The following RC3H1 variants were observed in gnomAD, a reference collection of about 807,000 sequenced individuals.
RC3H1 encodes the protein roquin-1.
RC3H1 carries 50 observed loss-of-function variants against 138.2 expected under a neutral mutation model. That is an observed-to-expected ratio of 0.36 (90% CI 0.29 to 0.46). RC3H1 has a LOEUF of 0.46. RC3H1 is among the 20% of genes least tolerant of loss of function. The probability of loss-of-function intolerance (pLI) is 1.00; values close to 1 mark genes in which losing one functional copy is unlikely to be tolerated. For synonymous variants in RC3H1, 462 were observed against 489.1 expected (o/e 0.94, Z 0.73); for missense variants, 1,031 against 1,388.1 (o/e 0.74, Z 4.09).
rs562053245 is a variant in RC3H1, at chr1:173,982,260, T to G, written c.768+467A>C. 4.6e-4 allele frequency among the ~76,000 whole-genome samples: 70 copies of G among 152,026 alleles called. No homozygotes were observed. In the South Asian group the frequency reaches 0.014, roughly 31 times the overall value. The stretch of plus-strand genomic sequence containing the variant: ...CCAGGTGCAGTGGCCCTGCCTATAA[T>G]CCCAGCTACTCGGGAGGCTGAGACA... On this transcript the variant is annotated intron_variant, in intron 5 of 19. Coordinates refer to ENST00000367696, the MANE Select transcript of RC3H1 (RefSeq NM_172071.4).
chr1:173,945,959 G>A (rs921450083), intron 17 of RC3H1, among the ~76,000 whole-genome samples: 1 of 151,740 alleles, frequency 6.6e-6, no homozygotes, highest in African/African-American at 2.4e-5. Context: ...CACTTGCCTC[G>A]GCCTCCCAAA....
chr1:173,954,730 TG>T (rs1659560808), intron 13 of RC3H1, among the ~76,000 whole-genome samples: 3 of 152,220 alleles, frequency 2.0e-5, no homozygotes, highest in Non-Finnish European at 4.4e-5. Context: ...CGGGGCATGG[TG>T]GGTGGATTGC....
At chr1:173,984,323 T>C (rs1443529725) in intron 3 of RC3H1, among the ~76,000 whole-genome samples, 176 bp downstream of exon 3, 1 of 152,226 alleles carries the variant, frequency 6.6e-6, no homozygotes, top group East Asian at 1.9e-4. Context: ...GCTTAATAGC[T>C]CACAATTTTT....
At chr1:173,973,303 C>T (rs1423091666) in intron 7 of RC3H1, among the ~76,000 whole-genome samples, 1 of 152,008 alleles carries the variant, frequency 6.6e-6, no homozygotes, top group Non-Finnish European at 1.5e-5. Context: ...TTTCGCAGGC[C>T]GAGGTGGGCA....
intron 1 of RC3H1, among the ~76,000 whole-genome samples, chr1:174,011,873 T>A (rs1661775465): frequency 6.6e-6 from 1 of 152,146 alleles, no homozygotes; most frequent in African/African-American, 2.4e-5. Context: ...ATATTCACCT[T>A]TAACAACCAA....
intron 9 of RC3H1, 42 bp from the exon 10 acceptor site, chr1:173,965,162 A>G (rs1283459900): frequency 6.6e-7 from 1 of 1,525,482 alleles, no homozygotes; most frequent in Non-Finnish European, 8.9e-7. Context: ...GCAAATATAA[A>G]AGCAAAACCA....
At chr1:174,006,193 C>T (rs1243587788) in intron 1 of RC3H1, among the ~76,000 whole-genome samples, 2 of 151,970 alleles carry the variant, frequency 1.3e-5, no homozygotes, top group Non-Finnish European at 2.9e-5. Flanking sequence ...GGAACAAGAG[C>T]GAAACTCCAT....
At chr1:173,992,311 A>AT (rs1223647897) in intron 2 of RC3H1, among the ~76,000 whole-genome samples, 2 of 151,684 alleles carry the variant, frequency 1.3e-5, no homozygotes, top group Non-Finnish European at 1.5e-5. Context: ...CACCCAGCTC[A>AT]TTTTTTTGTA....
chr1:173,942,241 C>CA (rs538784048), intron 18 of RC3H1, among the ~76,000 whole-genome samples: 1,869 of 122,356 alleles, frequency 0.015, 45 homozygotes, highest in African/African-American at 0.05. Context: ...GACTCCGCCT[C>CA]AAAAAAAAAA....
In RC3H1 at chr1:173,943,541, T is replaced by C; in HGVS notation, c.3036A>G (p.Pro1012=). Reference sequence around the variant, plus strand: ...AGATCATCCCAGGCCATTTTGGAGGTGGCGGTGGTGGGGGCTGTGACTGGC... The same window carrying C: ...AGATCATCCCAGGCCATTTTGGAGGCGGCGGTGGTGGGGGCTGTGACTGGC... ...LAGQSQPPPP[P]PPKWPGMISS... is the part of the protein sequence containing the mutation. Residue 1012 remains proline, a synonymous_variant, in exon 18 of 20, where the codon CCA becomes CCG. Transcript: ENST00000367696. 6.2e-7 allele frequency: 1 copy of C among 1,614,086 alleles called. No homozygotes were observed. Among genetic ancestry groups the C allele is most frequent in the Non-Finnish European group, 8.5e-7 (1 of 1,180,000 alleles).
chr1:173,956,937 C>T (rs984803568), intron 13 of RC3H1, among the ~76,000 whole-genome samples: 1 of 151,698 alleles, frequency 6.6e-6, no homozygotes, highest in East Asian at 1.9e-4. Flanking sequence ...TTGTTGAGAA[C>T]GAGTCTTGTT....
chr1:173,980,138 A>C (rs1406518159), intron 6 of RC3H1, among the ~76,000 whole-genome samples: 1 of 151,108 alleles, frequency 6.6e-6, no homozygotes, highest in Non-Finnish European at 1.5e-5. Context: ...TTGGCCTCTC[A>C]AAGTGCTGAG....
At chr1:173,971,861 T>TA (rs1394118974) in intron 8 of RC3H1, among the ~76,000 whole-genome samples, 1 of 152,160 alleles carries the variant, frequency 6.6e-6, no homozygotes, top group Non-Finnish European at 1.5e-5. Context: ...CCAGGTAAAT[T>TA]AAGAGTTTTA....
intron 6 of RC3H1, among the ~76,000 whole-genome samples, chr1:173,979,177 T>TCTATAAA: frequency 6.6e-6 from 1 of 152,282 alleles, no homozygotes. Flanking sequence ...CAGAAAGTTC[T>TCTATAAA]ATTGCTCTAT....
Position 173,946,785 on chromosome 1 carries a change from G to A in RC3H1, c.2789C>T (p.Pro930Leu). The change falls in exon 16 of 20, where the codon CCT becomes CTT. Residue 930 changes from proline (P) to leucine (L), a missense_variant. Coordinates refer to ENST00000367696, the MANE Select transcript of RC3H1 (RefSeq NM_172071.4). ...HGGWGASPYS[P>L]HQNIPSQGHF... Reference sequence around the variant, plus strand: ...TCCCTGAGAAGGTATGTTTTGATGAGGTGAATATGGAGAAGCTCCCCAGCC... The same window carrying A: ...TCCCTGAGAAGGTATGTTTTGATGAAGTGAATATGGAGAAGCTCCCCAGCC... The A allele has an allele frequency of 6.2e-7, 1 of 1,613,808 alleles. No homozygotes were observed. The highest frequency in any genetic ancestry group is 1.1e-5 in the South Asian group (1 of 91,076).
chr1:173,998,084 T>C (rs1324760609), intron 1 of RC3H1, among the ~76,000 whole-genome samples: 3 of 152,132 alleles, frequency 2.0e-5, no homozygotes, highest in African/African-American at 7.2e-5. Context: ...AAATTATTAA[T>C]ATACCAACAT....
chr1:173,974,276 T>TC (rs1660483058), intron 7 of RC3H1, among the ~76,000 whole-genome samples: 1 of 30,812 alleles, frequency 3.2e-5, no homozygotes, highest in Non-Finnish European at 5.4e-5. Context: ...GGAGACTGTC[T>TC]CAAAAAAAAA....
chr1:173,937,587 G>A lies in RC3H1; in HGVS notation c.*1134C>T, dbSNP rs1658661359. Reference sequence around the variant, plus strand: ...AACATTTGCAACATTGGACAGTTAAGTCTATGAAAAATGACTTCAAACTAT... The same window carrying A: ...AACATTTGCAACATTGGACAGTTAAATCTATGAAAAATGACTTCAAACTAT... On this transcript the variant is annotated 3_prime_UTR_variant, in exon 20 of 20. Transcript: ENST00000367696. The A allele has an allele frequency of 6.6e-6, 1 of 151,206 alleles. No individual in the cohort carries two copies. Among genetic ancestry groups the A allele is most frequent in the Non-Finnish European group, 1.5e-5 (1 of 67,898 alleles). 9.4% of individuals were successfully genotyped at this position (151,206 alleles called of 1,614,324 possible).
intron 18 of RC3H1, among the ~76,000 whole-genome samples, chr1:173,943,028 G>C (rs1161757487): frequency 2.0e-5 from 3 of 152,102 alleles, no homozygotes; most frequent in East Asian, 3.9e-4. Context: ...ATCACTCATA[G>C]CAAAAATAGG....
Sources: gnomAD v4.1 joint callset for allele counts (sites outside exome capture counted in the v4.1 genomes callset) on GRCh38, gnomAD v4.1.1 for gene constraint, MANE v1.5 for transcripts, NCBI Gene and HGNC (gene_info 2026-07-23, HGNC 2026-07-21) for gene names.